GXYLT2: variants seen among roughly 807,000 people sequenced by gnomAD.
The protein encoded by GXYLT2 is glucoside xylosyltransferase 2, also known as glycosyltransferase 8 domain containing 4.
Under a neutral mutation model 45.8 loss-of-function variants are expected in GXYLT2, and 53 were observed. The ratio of observed to expected loss-of-function variants is 1.16; its 90% CI spans 0.93 to 1.46. GXYLT2 has a LOEUF of 1.46. Ranked by LOEUF, GXYLT2 falls within the 40% of genes most tolerant of loss-of-function variation. The pLI is 0.00. For missense variants in GXYLT2, 551 were observed against 544.4 expected (o/e 1.01, Z -0.12); for synonymous variants, 219 against 214.2 (o/e 1.02, Z -0.19).
intron 3 of GXYLT2, among the ~76,000 whole-genome samples, chr3:72,937,211 T>TA (rs1045545607): frequency 6.6e-6 from 1 of 152,132 alleles, no homozygotes; most frequent in Admixed American, 6.6e-5. Context: ...AGCTTTTTTT[T>TA]AAAAAAAGAA....
At chr3:72,891,156 G>T (rs1403062684) in intron 1 of GXYLT2, among the ~76,000 whole-genome samples, 1 of 152,094 alleles carries the variant, frequency 6.6e-6, no homozygotes, top group Admixed American at 6.5e-5. Flanking sequence ...GAAAACGAGT[G>T]CTTTAATCTC....
intron 5 of GXYLT2, 32 bp from the exon 6 acceptor site, chr3:72,967,515 G>C: frequency 6.4e-7 from 1 of 1,572,864 alleles, no homozygotes; most frequent in Admixed American, 1.7e-5. Context: ...CACTAACCGT[G>C]GACATATATG....
chr3:72,930,392 C>T (rs1350731195), intron 3 of GXYLT2, among the ~76,000 whole-genome samples: 1 of 151,400 alleles, frequency 6.6e-6, no homozygotes, highest in African/African-American at 2.4e-5. Flanking sequence ...GTCCCAGCTA[C>T]TCAGGAGACT....
intron 3 of GXYLT2, among the ~76,000 whole-genome samples, chr3:72,933,009 A>G (rs1043257742): frequency 6.6e-6 from 1 of 152,208 alleles, no homozygotes; most frequent in African/African-American, 2.4e-5. Flanking sequence ...GAATAATAAT[A>G]TTGCCTATCT....
chr3:72,949,782 G>C (rs1357922100), intron 3 of GXYLT2, among the ~76,000 whole-genome samples: 1 of 151,864 alleles, frequency 6.6e-6, no homozygotes, highest in Non-Finnish European at 1.5e-5. Flanking sequence ...CAAAGTGCTG[G>C]GACTACAGGT....
At chr3:72,965,241 A>C (rs1370501140) in intron 5 of GXYLT2, among the ~76,000 whole-genome samples, 1 of 152,230 alleles carries the variant, frequency 6.6e-6, no homozygotes, top group African/African-American at 2.4e-5. Context: ...TAAAAGACTG[A>C]GCCCTGAAAA....
At chr3:72,890,485 G>A (rs1361967973) in intron 1 of GXYLT2, among the ~76,000 whole-genome samples, 1 of 152,270 alleles carries the variant, frequency 6.6e-6, no homozygotes, top group Non-Finnish European at 1.5e-5. Context: ...TTAGCAGTTT[G>A]TCCAAGGTTC....
intron 3 of GXYLT2, among the ~76,000 whole-genome samples, chr3:72,931,030 G>C (rs561253120): frequency 6.6e-6 from 1 of 152,274 alleles, no homozygotes; most frequent in South Asian, 2.1e-4. Context: ...GTTCTTGTGA[G>C]TGCACATGAA....
At chr3:72,973,291 C>T (rs1468106754) in intron 6 of GXYLT2, among the ~76,000 whole-genome samples, 5 of 152,136 alleles carry the variant, frequency 3.3e-5, no homozygotes, top group Admixed American at 2.6e-4. Flanking sequence ...GGGAAAATCC[C>T]GTGAAACAGA....
chr3:72,905,760 G>A (rs1220002360), intron 1 of GXYLT2, among the ~76,000 whole-genome samples: 1 of 152,164 alleles, frequency 6.6e-6, no homozygotes, highest in East Asian at 1.9e-4. Flanking sequence ...CGCCTGAGCT[G>A]TTCCCTGCCC....
chr3:72,905,365 G>A (rs546561132), intron 1 of GXYLT2, among the ~76,000 whole-genome samples: 6 of 152,242 alleles, frequency 3.9e-5, no homozygotes, highest in East Asian at 3.9e-4. Context: ...TGGTCTGCCC[G>A]CCTCGAACTC....
At chr3:72,902,114 G>C (rs916412085) in intron 1 of GXYLT2, among the ~76,000 whole-genome samples, 1 of 151,958 alleles carries the variant, frequency 6.6e-6, no homozygotes, top group African/African-American at 2.4e-5. Flanking sequence ...GGACTTTTTG[G>C]CTATTGGGAA....
At chr3:72,926,188 G>A (rs189786741) in intron 3 of GXYLT2, among the ~76,000 whole-genome samples, 93 of 152,320 alleles carry the variant, frequency 6.1e-4, no homozygotes, top group Non-Finnish European at 1.2e-3. Context: ...ACCCAAAACT[G>A]TGGAAGAGAC....
intron 1 of GXYLT2, among the ~76,000 whole-genome samples, chr3:72,891,727 T>TA (rs1408072229): frequency 1.3e-5 from 2 of 152,154 alleles, no homozygotes; most frequent in South Asian, 4.1e-4. Flanking sequence ...TGAAATGGTA[T>TA]AAAAAATGAA....
intron 3 of GXYLT2, among the ~76,000 whole-genome samples, chr3:72,940,000 T>G (rs548017307): frequency 2.4e-4 from 37 of 152,206 alleles, no homozygotes; most frequent in Non-Finnish European, 5.1e-4. Flanking sequence ...ATTTTTTAAA[T>G]GCAAAGAAAT....
intron 3 of GXYLT2, among the ~76,000 whole-genome samples, chr3:72,943,403 G>C (rs906207619): frequency 2.0e-5 from 3 of 150,634 alleles, no homozygotes; most frequent in African/African-American, 7.3e-5. Context: ...TGGAGACAGG[G>C]TCTCCCTCTG....
At chr3:72,915,590 G>A (rs1464062958) in intron 2 of GXYLT2, among the ~76,000 whole-genome samples, 6 of 151,942 alleles carry the variant, frequency 3.9e-5, no homozygotes, top group East Asian at 3.9e-4. Flanking sequence ...TAATCCCAGC[G>A]CTTTCGGAGG....
intron 6 of GXYLT2, among the ~76,000 whole-genome samples, chr3:72,972,841 G>GT (rs1420068088): frequency 2.0e-5 from 3 of 150,904 alleles, no homozygotes; most frequent in Non-Finnish European, 4.4e-5. Flanking sequence ...TGGGGCTGGG[G>GT]TGGGAAGATC....
At chr3:72,916,327 G>A (rs1709742677) in intron 2 of GXYLT2, among the ~76,000 whole-genome samples, 1 of 149,944 alleles carries the variant, frequency 6.7e-6, no homozygotes, top group African/African-American at 2.5e-5. Flanking sequence ...AAAAAAAAAA[G>A]AAAAGAAAAA....
Sources: allele counts gnomAD v4.1 joint callset (sites outside exome capture counted in the v4.1 genomes callset), GRCh38; gene constraint gnomAD v4.1.1; transcripts MANE v1.5; gene names NCBI Gene and HGNC (gene_info 2026-07-23, HGNC 2026-07-21).